Variants in COPS2 observed in about 807,000 individuals in gnomAD.
COPS2 encodes COP9 signalosome complex subunit 2.
Under a neutral mutation model 66.1 loss-of-function variants are expected in COPS2, and 10 were observed. That is an observed-to-expected ratio of 0.15 (90% CI 0.09 to 0.26). The LOEUF is 0.26. Among genes scored for constraint, COPS2 ranks in the 10% least tolerant of loss-of-function variants. The pLI is 1.00. For synonymous variants in COPS2, 179 were observed against 171.3 expected, an observed-to-expected ratio of 1.04 and a Z score of -0.35; for missense variants, 215 against 513.3, an observed-to-expected ratio of 0.42 and a Z score of 5.62.
At chr15:49,150,722 A>G (rs562812528) in intron 1 of COPS2, among the ~76,000 whole-genome samples, 2 of 152,294 alleles carry the variant, frequency 1.3e-5, no homozygotes, top group South Asian at 4.1e-4. Flanking sequence ...ACTCATTAAC[A>G]CAAAGAAGGG....
chr15:49,151,240 A>T (rs2084358444), intron 1 of COPS2, among the ~76,000 whole-genome samples: 1 of 151,990 alleles, frequency 6.6e-6, no homozygotes, highest in African/African-American at 2.4e-5. Flanking sequence ...GTCTCTACTA[A>T]AATATAAAAA....
At chr15:49,136,287 T>A (rs2084251077) in intron 6 of COPS2, among the ~76,000 whole-genome samples, 1 of 152,214 alleles carries the variant, frequency 6.6e-6, no homozygotes, top group Non-Finnish European at 1.5e-5. Context: ...TATTAAATGA[T>A]GTATTTGGTT....
chr15:49,122,767 T>A lies in COPS2; in HGVS notation c.*5183A>T, dbSNP rs1337455648. Reference sequence around the variant, plus strand: ...TTATTACCAATAAGGAATGTGCACTTCCAGATAAATAAAAAAACCCTTGAG... The same window carrying A: ...TTATTACCAATAAGGAATGTGCACTACCAGATAAATAAAAAAACCCTTGAG... On this transcript the variant is annotated 3_prime_UTR_variant, in exon 13 of 13. Coordinates refer to ENST00000388901, the MANE Select transcript of COPS2 (RefSeq NM_004236.4). 1.3e-5 allele frequency: 2 copies of A among 152,156 alleles called. No individual in the cohort carries two copies. Among genetic ancestry groups the A allele is most frequent in the Non-Finnish European group, 2.9e-5 (2 of 68,014 alleles). The allele number at this position is 152,156 out of a possible 1,614,324, so 9.4% of individuals were successfully genotyped here.
At position 49,143,410 on chromosome 15, in the gene COPS2, G is replaced by C. The variant is rs146020318; in HGVS notation, c.246+817C>G. On this transcript the variant is annotated intron_variant, in intron 3 of 12. Coordinates refer to ENST00000388901, the MANE Select transcript of COPS2 (RefSeq NM_004236.4). The stretch of plus-strand genomic sequence containing the variant: ...AAACTGTAGCAGGGTAAGGATGAAA[G>C]TAAGGAGACCAGTTAAGAGGCTATC... Among the ~76,000 whole-genome samples the C allele has an allele frequency of 4.5e-4, 68 of 152,314 alleles. 3 individuals carry two copies. In the East Asian group the frequency reaches 0.012, roughly 27 times the overall value.
chr15:49,146,917 C>T (rs1359967520), intron 1 of COPS2, among the ~76,000 whole-genome samples: 1 of 152,144 alleles, frequency 6.6e-6, no homozygotes, highest in Non-Finnish European at 1.5e-5. Context: ...ATTCACTTTG[C>T]TGCAGCCATC....
At position 49,123,304 on chromosome 15, in the gene COPS2, A is replaced by T. The variant is rs1371250645; in HGVS notation, c.*4646T>A. 1 of 152,182 alleles carries T rather than the reference A, an allele frequency of 6.6e-6. No homozygotes were observed. The highest frequency in any genetic ancestry group is 2.4e-5 in the African/African-American group (1 of 41,444). The allele number at this position is 152,182 out of a possible 1,614,324, so 9.4% of individuals were successfully genotyped here. A position where few individuals can be genotyped will look rare whatever the true frequency, so the allele number is the denominator to read the frequency against. ...GATGTACAATAAAACAACCTTTAGCAATTAATTTTAAAATGCCCTTACTTC... is the reference window on the plus strand; with the variant it reads ...GATGTACAATAAAACAACCTTTAGCTATTAATTTTAAAATGCCCTTACTTC... On this transcript the variant is annotated 3_prime_UTR_variant, in exon 13 of 13. Transcript: ENST00000388901.
At chr15:49,154,049 G>C (rs2141136602) in intron 1 of COPS2, among the ~76,000 whole-genome samples, 1 of 152,126 alleles carries the variant, frequency 6.6e-6, no homozygotes, top group South Asian at 2.1e-4. Flanking sequence ...ATATTCCCTA[G>C]ACACAGAAAT....
chr15:49,149,772 T>C (rs563340973), intron 1 of COPS2, among the ~76,000 whole-genome samples: 72 of 152,302 alleles, frequency 4.7e-4, no homozygotes, highest in African/African-American at 1.7e-3. Flanking sequence ...ATACTCACCA[T>C]TAACAATGCT....
rs1411400914 is a variant in COPS2, at chr15:49,124,651, A to G, written c.*3299T>C. On this transcript the variant is annotated 3_prime_UTR_variant, in exon 13 of 13. Coordinates refer to ENST00000388901, the MANE Select transcript of COPS2 (RefSeq NM_004236.4). Reference sequence around the variant, plus strand: ...TGTCAAATTCCTTTTTTTGTTATATACTTCAGTTCAAAATGTTTATCTTCT... The same window carrying G: ...TGTCAAATTCCTTTTTTTGTTATATGCTTCAGTTCAAAATGTTTATCTTCT... 2 of 152,094 alleles carry G rather than the reference A, an allele frequency of 1.3e-5. No individual in the cohort carries two copies. Among genetic ancestry groups the G allele is most frequent in the Non-Finnish European group, 2.9e-5 (2 of 67,990 alleles). 9.4% of individuals were successfully genotyped at this position (152,094 alleles called of 1,614,324 possible).
chr15:49,139,951 C>T (rs1293787821), intron 3 of COPS2, among the ~76,000 whole-genome samples: 1 of 152,120 alleles, frequency 6.6e-6, no homozygotes, highest in Non-Finnish European at 1.5e-5. Context: ...AAACCTACTA[C>T]AATATTCATA....
At chr15:49,150,901 C>T (rs908097292) in intron 1 of COPS2, among the ~76,000 whole-genome samples, 1 of 151,834 alleles carries the variant, frequency 6.6e-6, no homozygotes, top group African/African-American at 2.4e-5. Flanking sequence ...ACCCTTGAAC[C>T]TAAAAGTTAA....
chr15:49,130,797 T>C lies in COPS2; in HGVS notation c.967A>G (p.Ile323Val). The change falls in exon 10 of 13, where the codon ATC becomes GTC. Residue 323 changes from isoleucine (I) to valine (V), a missense_variant. Ile to Val is a conservative substitution (Grantham distance 29). Transcript: ENST00000388901. ...TTTAGAATCTTTTCAAATTCAGTGA[T>C]GTCATTATTCTGATAGGCACTAATA... ...NLVSAYQNND[I>V]TEFEKILKTN... The C allele has an allele frequency of 6.3e-7, 1 of 1,588,608 alleles. No individual in the cohort carries two copies.
At chr15:49,135,145 T>C (rs1174474547) in intron 6 of COPS2, among the ~76,000 whole-genome samples, 1 of 152,214 alleles carries the variant, frequency 6.6e-6, no homozygotes, top group African/African-American at 2.4e-5. Context: ...CAAAATATCT[T>C]ATTTTCAGAC....
At chr15:49,130,688 T>G (rs2289389) in intron 10 of COPS2, 31 bp downstream of exon 10, 413,061 of 1,313,374 alleles carry the variant, frequency 0.31, 70,719 homozygotes, top group Non-Finnish European at 0.36. Flanking sequence ...GCAAAGAAAG[T>G]AATAGAATCC....
At chr15:49,129,585 AT>A (rs2084194114) in intron 10 of COPS2, 26 bp from the exon 11 acceptor site, 2 of 1,240,530 alleles carry the variant, frequency 1.6e-6, no homozygotes, top group Non-Finnish European at 2.2e-6. Flanking sequence ...TTAAAATAAC[AT>A]TTTATTTAAC....
intron 1 of COPS2, among the ~76,000 whole-genome samples, chr15:49,153,458 G>C (rs753786526): frequency 6.6e-6 from 1 of 152,154 alleles, no homozygotes; most frequent in Non-Finnish European, 1.5e-5. Flanking sequence ...ACTTTTGATG[G>C]AGATGTAAAT....
At chr15:49,145,874 T>C (rs1404851375) in intron 1 of COPS2, among the ~76,000 whole-genome samples, 1 of 152,164 alleles carries the variant, frequency 6.6e-6, no homozygotes, top group African/African-American at 2.4e-5. Flanking sequence ...ATTGGTATAA[T>C]GGAAATTATT....
intron 9 of COPS2, among the ~76,000 whole-genome samples, chr15:49,132,187 T>C (rs1458514006): frequency 6.6e-6 from 1 of 152,142 alleles, no homozygotes; most frequent in East Asian, 1.9e-4. Flanking sequence ...TGACCAAATG[T>C]GAATGAAATA....
intron 9 of COPS2, among the ~76,000 whole-genome samples, chr15:49,133,017 C>CT (rs771391936): frequency 2.1e-4 from 29 of 136,838 alleles, no homozygotes; most frequent in Non-Finnish European, 4.1e-4. Context: ...GAGACGGAGT[C>CT]TTGCTCTATC....
Sources: gnomAD v4.1 joint callset for allele counts (sites outside exome capture counted in the v4.1 genomes callset) on GRCh38, gnomAD v4.1.1 for gene constraint, MANE v1.5 for transcripts, NCBI Gene and HGNC (gene_info 2026-07-23, HGNC 2026-07-21) for gene names.